Variants in SLC6A9 observed in about 807,000 individuals in gnomAD.
SLC6A9 encodes the protein solute carrier family 6 member 9.
SLC6A9 carries 31 observed loss-of-function variants against 70.9 expected under a neutral mutation model. The observed-to-expected ratio is 0.44, with a 90% confidence interval of 0.33 to 0.59. The LOEUF (loss-of-function observed/expected upper bound fraction) is 0.59, where lower values mean the gene tolerates loss of function less well. Ranked by LOEUF, SLC6A9 falls within the 20% of genes least tolerant of loss-of-function variation. The pLI, the probability that SLC6A9 is intolerant of heterozygous loss-of-function variation, is 0.04. For synonymous variants in SLC6A9, 310 were observed against 341.3 expected (o/e 0.91, Z 1.01); for missense variants, 631 against 845.2 (o/e 0.75, Z 3.14).
At chr1:44,014,080 C>A (rs2086661685) in intron 2 of SLC6A9, among the ~76,000 whole-genome samples, 2 of 152,136 alleles carry the variant, frequency 1.3e-5, no homozygotes, top group African/African-American at 4.8e-5. Flanking sequence ...CCAGCTCAGC[C>A]CCATGGATGG....
chr1:44,017,490 A>C, intron 2 of SLC6A9: 1 of 561,378 alleles, frequency 1.8e-6, no homozygotes, highest in Non-Finnish European at 2.5e-6. Context: ...CAGGCCTAGC[A>C]CTGGGTGGGC....
chr1:44,028,980 T>A (rs1211000671), intron 1 of SLC6A9, among the ~76,000 whole-genome samples: 1 of 151,052 alleles, frequency 6.6e-6, no homozygotes, highest in African/African-American at 2.4e-5. Flanking sequence ...TAAGAAGGAG[T>A]CTCTGGTTTC....
chr1:44,007,785 C>T (rs2086371904), intron 5 of SLC6A9, among the ~76,000 whole-genome samples: 1 of 152,172 alleles, frequency 6.6e-6, no homozygotes, highest in African/African-American at 2.4e-5. Flanking sequence ...CCCCCCTTTC[C>T]CCTGAGTCTC....
chr1:44,006,492 G>A (rs928067061), intron 5 of SLC6A9, among the ~76,000 whole-genome samples: 2 of 148,080 alleles, frequency 1.4e-5, no homozygotes, highest in Admixed American at 6.9e-5. Flanking sequence ...GGAGGCTGAG[G>A]CAGGAGAATC....
intron 2 of SLC6A9, among the ~76,000 whole-genome samples, chr1:44,012,168 C>T (rs920713468): frequency 7.9e-5 from 12 of 152,356 alleles, no homozygotes; most frequent in Middle Eastern, 3.4e-3. Flanking sequence ...GAGACATATT[C>T]GACAGCAGTC....
chr1:43,997,851 T>C lies in SLC6A9; in HGVS notation c.1707+4A>G. 1 of 1,605,300 alleles carries C rather than the reference T, an allele frequency of 6.2e-7. No individual in the cohort carries two copies. The highest frequency in any genetic ancestry group is 8.5e-7 in the Non-Finnish European group (1 of 1,174,298). On this transcript the variant is annotated splice_donor_region_variant and intron_variant, in intron 13 of 13. Transcript: ENST00000372310. This position sits in a 1 kb window ranked among gnomAD's most constrained non-coding sequence, Gnocchi z 4.4. The stretch of plus-strand genomic sequence containing the variant: ...CTGGCTACCCAGCCTGTCCCTGCCC[T>C]CACCTGGAGGAGGGTGTCCCCGTCT...
chr1:44,002,177 C>T lies in SLC6A9; in HGVS notation c.962+136G>A. 1.5e-6 allele frequency: 1 copy of T among 669,026 alleles called. No individual in the cohort carries two copies. Among genetic ancestry groups the T allele is most frequent in the Non-Finnish European group, 2.7e-6 (1 of 364,702 alleles). The allele number at this position is 669,026 out of a possible 1,614,324, so 41.4% of individuals were successfully genotyped here. ...TCTCCTCATTCTCCAACAACTTTAT[C>T]CAGAACCAGTATTCCCAGAACCTCA... On this transcript the variant is annotated intron_variant, in intron 8 of 13. Coordinates refer to ENST00000372310, the MANE Select transcript of SLC6A9 (RefSeq NM_001024845.3). This position sits in a 1 kb window ranked among gnomAD's most constrained non-coding sequence, Gnocchi z 5.5.
intron 4 of SLC6A9, among the ~76,000 whole-genome samples, chr1:44,009,019 C>CTTTTT (rs35340201): frequency 2.8e-5 from 2 of 71,792 alleles, no homozygotes; most frequent in Non-Finnish European, 5.0e-5. Context: ...CGCGCCCGGC[C>CTTTTT]TTTTTTTTTT....
rs921569267 is a variant in SLC6A9, at chr1:44,010,985, C to T, written c.31-103G>A. 6 of 1,221,946 alleles carry T rather than the reference C, an allele frequency of 4.9e-6. No homozygotes were observed. In the African/African-American group the frequency reaches 8.9e-5, roughly 18 times the overall value. The allele number at this position is 1,221,946 out of a possible 1,614,324, so 75.7% of individuals were successfully genotyped here. ...GGAAACCGTGGCCCCTCCAACACCC[C>T]TCCCCGGGCTTCCCCTCTGCTGGCA... On this transcript the variant is annotated intron_variant, in intron 2 of 13. Transcript: ENST00000372310.
chr1:44,005,355 A>G (rs1024493601), intron 5 of SLC6A9, among the ~76,000 whole-genome samples: 3 of 152,222 alleles, frequency 2.0e-5, no homozygotes. Context: ...TGAGTGGGTG[A>G]GAGGCAGACA....
intron 5 of SLC6A9, among the ~76,000 whole-genome samples, chr1:44,003,748 CAAAAAAAAAAAA>C (rs34308293): frequency 2.8e-5 from 2 of 71,962 alleles, no homozygotes; most frequent in African/African-American, 5.6e-5. Flanking sequence ...AGTCCAATCT[CAAAAAAAAAAAA>C]AAAAAAAAAA....
chr1:44,015,794 G>C, intron 2 of SLC6A9: 5 of 936,134 alleles, frequency 5.3e-6, no homozygotes, highest in Non-Finnish European at 6.4e-6. Flanking sequence ...CTGCAGCTCT[G>C]ATCTCTGGCC....
intron 2 of SLC6A9, chr1:44,017,272 CAGT>C: frequency 6.7e-7 from 1 of 1,497,518 alleles, no homozygotes; most frequent in Non-Finnish European, 8.8e-7. Flanking sequence ...CCCCTCCGGC[CAGT>C]CCCCATGCAG....
Position 44,009,977 on chromosome 1 carries a change from G to C in SLC6A9, c.307C>G (p.Pro103Ala). The change falls in exon 4 of 14, where the codon CCC (proline) becomes GCC (alanine). Residue 103 changes from proline to alanine, a missense_variant. Physicochemically the swap from Pro to Ala is conservative, Grantham distance 27 (BLOSUM62 -1). Coordinates refer to ENST00000372310, the MANE Select transcript of SLC6A9 (RefSeq NM_001024845.3). ...QGCLGVWRIS[P>A]MFKGVGYGMM... ...GCCCAGGCCTCACCTTTGAACATGG[G>C]GCTGATCCTCCAGACCCCCAGGCAC... The C allele has an allele frequency of 6.2e-7, 1 of 1,613,988 alleles. No homozygotes were observed. Among genetic ancestry groups the C allele is most frequent in the Non-Finnish European group, 8.5e-7 (1 of 1,179,922 alleles).
chr1:44,002,250 G>A lies in SLC6A9; in HGVS notation c.962+63C>T. 1.7e-6 allele frequency: 2 copies of A among 1,192,356 alleles called. No homozygotes were observed. The highest frequency in any genetic ancestry group is 2.5e-6 in the Non-Finnish European group (2 of 796,146). The allele number at this position is 1,192,356 out of a possible 1,614,324, so 73.9% of individuals were successfully genotyped here. Reference sequence around the variant, plus strand: ...CTCGTGGGCCCATGGCTGCACTGGAGCTGAGATCAGGCTGCAGAGAGTGCA... The same window carrying A: ...CTCGTGGGCCCATGGCTGCACTGGAACTGAGATCAGGCTGCAGAGAGTGCA... On this transcript the variant is annotated intron_variant, in intron 8 of 13. Coordinates refer to ENST00000372310, the MANE Select transcript of SLC6A9 (RefSeq NM_001024845.3). This position sits in a 1 kb window ranked among gnomAD's most constrained non-coding sequence, Gnocchi z 5.5.
At chr1:44,017,081 G>A (rs755082426) in intron 2 of SLC6A9, 4 of 1,604,210 alleles carry the variant, frequency 2.5e-6, no homozygotes, top group Non-Finnish European at 2.5e-6. Context: ...AGGTCCATGA[G>A]CCGCGGCCAT....
Position 44,008,377 on chromosome 1 carries a change from G to C in SLC6A9, c.566C>G (p.Thr189Ser), listed in dbSNP as rs1490805921. Residue 189 changes from threonine (T) to serine (S), a missense_variant, in exon 5 of 14, where the codon ACC becomes AGC. Thr to Ser is a moderately conservative substitution (Grantham distance 58, BLOSUM62 1). Transcript: ENST00000372310. ...SHLLNHSLQRTSPSEEYWRLY... is the reference protein window; with the variant it reads ...SHLLNHSLQRSSPSEEYWRLY... Reference sequence around the variant, plus strand: ...CCTCCAGTACTCCTCGCTGGGGCTGGTCCTCTGGAGGCTGTGGTTGAGCAG... The same window carrying C: ...CCTCCAGTACTCCTCGCTGGGGCTGCTCCTCTGGAGGCTGTGGTTGAGCAG... The C allele has an allele frequency of 6.2e-7, 1 of 1,614,136 alleles. No individual in the cohort carries two copies. The highest frequency in any genetic ancestry group is 1.7e-5 in the Admixed American group (1 of 60,032).
At chr1:44,027,322 A>G (rs1160728933) in intron 1 of SLC6A9, among the ~76,000 whole-genome samples, 2 of 152,152 alleles carry the variant, frequency 1.3e-5, no homozygotes, top group Non-Finnish European at 2.9e-5. Context: ...TTTGAGCCTT[A>G]GTTTTCTCAG....
rs1421510380 is a variant in SLC6A9 at position 44,010,057 on chromosome 1, C to T, written c.227G>A (p.Cys76Tyr). 6.2e-7 allele frequency: 1 copy of T among 1,613,974 alleles called. No individual in the cohort carries two copies. The highest frequency in any genetic ancestry group is 8.5e-7 in the Non-Finnish European group (1 of 1,179,990). ...CTCCATGAAGAAGAGGGGGATCCCG[C>T]AGAAGATGAGCATGATGAAGTAGGG... ...MFPYFIMLIFCGIPLFFMELS... is the reference protein window; with the variant it reads ...MFPYFIMLIFYGIPLFFMELS... Residue 76 changes from cysteine to tyrosine, a missense_variant, in exon 4 of 14, where the codon TGC (cysteine) becomes TAC (tyrosine). Transcript: ENST00000372310.
Sources: allele counts gnomAD v4.1 joint callset (sites outside exome capture counted in the v4.1 genomes callset), GRCh38; gene constraint gnomAD v4.1.1; non-coding constraint Gnocchi (gnomAD v3.1); transcripts MANE v1.5; gene names NCBI Gene and HGNC (gene_info 2026-07-23, HGNC 2026-07-21).